The following PHF8 variants were observed in gnomAD, a reference collection of about 807,000 sequenced individuals.
PHF8 encodes histone lysine demethylase PHF8.
PHF8 carries 9 observed loss-of-function variants against 74.4 expected under a neutral mutation model. The observed-to-expected ratio is 0.12, with a 90% confidence interval of 0.07 to 0.21. The LOEUF is 0.21. Among genes scored for constraint, PHF8 ranks in the 10% least tolerant of loss-of-function variants. The pLI is 1.00. For missense variants in PHF8, 478 were observed against 816.6 expected (o/e 0.59, Z 5.05); for synonymous variants, 311 against 316.6 (o/e 0.98, Z 0.19).
chrX:54,022,471 T>A, intron 3 of PHF8, 104 bp from the exon 4 acceptor site: 2 of 590,338 alleles, frequency 3.4e-6, no homozygotes, highest in Non-Finnish European at 5.9e-6. Flanking sequence ...TAACCACCCC[T>A]TGGAGCATCT....
At chrX:53,980,378 G>A (rs1351353564) in intron 18 of PHF8, among the ~76,000 whole-genome samples, 2 of 111,054 alleles carry the variant, frequency 1.8e-5, no homozygotes, top group East Asian at 5.6e-4. Flanking sequence ...ACAGAGAGAC[G>A]TCATGGGCGT....
chrX:54,001,882 C>T (rs1557104304), intron 10 of PHF8, among the ~76,000 whole-genome samples: 1 of 111,562 alleles, frequency 9.0e-6, no homozygotes, highest in Non-Finnish European at 1.9e-5. Context: ...CACCACTGCA[C>T]TCCAGCCTGG....
In PHF8 at chrX:53,940,370, G is replaced by C. The variant is rs1557083099; in HGVS notation, c.2796C>G (p.Ser932=). Residue 932 remains serine, a synonymous_variant, in exon 21 of 22, where the codon TCC becomes TCG. Coordinates refer to ENST00000338154, the MANE Select transcript of PHF8 (RefSeq NM_015107.3). ...VAATPQLVTS[S]SPLPPPEPKQ... ...TAGGCTCAGGAGGAGGCAGGGGTGA[G>C]GAGGAGGTGACAAGTTGTGGTGTGG... The C allele has an allele frequency of 2.5e-6, 3 of 1,208,519 alleles. No individual in the cohort carries two copies. The highest frequency in any genetic ancestry group is 4.6e-4 in the Middle Eastern group (2 of 4,338).
intron 2 of PHF8, among the ~76,000 whole-genome samples, chrX:54,024,628 T>C (rs1413870738): frequency 8.9e-6 from 1 of 111,897 alleles, no homozygotes; most frequent in Admixed American, 9.5e-5. Flanking sequence ...TGAATGCAGC[T>C]TCTCCTACGG....
At chrX:53,969,910 G>A (rs782349080) in intron 18 of PHF8, among the ~76,000 whole-genome samples, 22 of 111,668 alleles carry the variant, frequency 2.0e-4, no homozygotes, top group Middle Eastern at 4.6e-3. Flanking sequence ...CAGGAAAACC[G>A]AATACCCATA....
intron 11 of PHF8, 61 bp downstream of exon 11, chrX:53,999,809 C>T: frequency 1.4e-6 from 1 of 716,311 alleles, no homozygotes; most frequent in Admixed American, 2.5e-5. Context: ...AAACATCTAC[C>T]CAAATCCAGT....
At chrX:53,975,066 T>C (rs2065352819) in intron 18 of PHF8, among the ~76,000 whole-genome samples, 2 of 111,461 alleles carry the variant, frequency 1.8e-5, no homozygotes, top group Admixed American at 1.9e-4. Flanking sequence ...ACTTAAAAGT[T>C]GGAAAAAAAA....
rs11329889 is a variant in PHF8, at chrX:53,957,190, C to CA, written c.2539+5653dup. ...TGAAATGCCGTCTCTACTAAAAATA[C>CA]AAAAAAAAAAAAAAAATTAGCTGGG... On this transcript the variant is annotated intron_variant, in intron 19 of 21. Transcript: ENST00000338154. Among the ~76,000 whole-genome samples, 208 of 81,516 alleles carry CA rather than the reference C, an allele frequency of 2.6e-3. 2 individuals carry two copies. The highest frequency in any genetic ancestry group is 4.8e-3 in the Admixed American group (34 of 7,111). The allele number at this position is 81,516 out of a possible 115,157, so 70.8% of individuals were successfully genotyped here.
intron 2 of PHF8, among the ~76,000 whole-genome samples, chrX:54,032,534 T>C (rs1292489363): frequency 9.0e-6 from 1 of 110,917 alleles, no homozygotes; most frequent in Non-Finnish European, 1.9e-5. Flanking sequence ...TTCAGGCTCA[T>C]AGGTAACCCA....
intron 18 of PHF8, among the ~76,000 whole-genome samples, chrX:53,975,955 A>G: frequency 1.8e-5 from 2 of 111,692 alleles, no homozygotes; most frequent in Non-Finnish European, 3.8e-5. Flanking sequence ...ATGTATCAAA[A>G]TATCACATGT....
At chrX:53,998,017 G>T (rs782221697) in intron 11 of PHF8, among the ~76,000 whole-genome samples, 1 of 112,522 alleles carries the variant, frequency 8.9e-6, no homozygotes, top group East Asian at 2.8e-4. Flanking sequence ...TGAAGCCTAA[G>T]ATTACATGTT....
intron 19 of PHF8, among the ~76,000 whole-genome samples, chrX:53,955,619 G>C (rs1387562892): frequency 1.1e-5 from 1 of 94,181 alleles, no homozygotes; most frequent in Non-Finnish European, 2.0e-5. Context: ...TGAACTTCTA[G>C]AACAATACTA....
Position 54,003,023 on chromosome X carries a change from A to C in PHF8, c.947-341T>G, listed in dbSNP as rs185038103. 2.7e-5 allele frequency among the ~76,000 whole-genome samples: 3 copies of C among 112,157 alleles called. No homozygotes were observed. In the East Asian group the frequency reaches 8.4e-4, roughly 31 times the overall value. ...GCAAAAGCAGATCTGGGGTTCTAAC[A>C]ATTTTTGATTAACCTAGATATTATA... is the stretch of plus-strand genomic sequence containing the variant. On this transcript the variant is annotated intron_variant, in intron 8 of 21. Transcript: ENST00000338154.
At chrX:53,952,143 G>GCCCA (rs1316290956) in intron 19 of PHF8, among the ~76,000 whole-genome samples, 1 of 109,972 alleles carries the variant, frequency 9.1e-6, no homozygotes, top group Non-Finnish European at 1.9e-5. Flanking sequence ...AATTAGCCAG[G>GCCCA]CGTGGTGGCA....
chrX:53,955,400 C>G (rs1426360159), intron 19 of PHF8, among the ~76,000 whole-genome samples: 1 of 109,220 alleles, frequency 9.2e-6, no homozygotes, highest in East Asian at 2.8e-4. Flanking sequence ...TTTTCTATAT[C>G]GATTATACAA....
At chrX:53,974,215 G>A (rs1048815914) in intron 18 of PHF8, among the ~76,000 whole-genome samples, 3 of 110,462 alleles carry the variant, frequency 2.7e-5, no homozygotes, top group East Asian at 2.8e-4. Context: ...GCAGTGAGTC[G>A]AGATTGTGCC....
At chrX:54,028,519 T>C (rs1196823872) in intron 2 of PHF8, among the ~76,000 whole-genome samples, 1 of 111,393 alleles carries the variant, frequency 9.0e-6, no homozygotes, top group Non-Finnish European at 1.9e-5. Context: ...TTTTCCTCAC[T>C]GTTCTCACTC....
rs2064695648 is a variant in PHF8 at position 53,938,183 on chromosome X, C to T, written c.*975G>A. 9 of 1,101,255 alleles carry T rather than the reference C, an allele frequency of 8.2e-6. No individual in the cohort carries two copies. The highest frequency in any genetic ancestry group is 2.7e-4 in the Middle Eastern group (1 of 3,769). 90.8% of individuals were successfully genotyped at this position (1,101,255 alleles called of 1,213,427 possible). A position where few individuals can be genotyped will look rare whatever the true frequency, so the allele number is the denominator to read the frequency against. On this transcript the variant is annotated 3_prime_UTR_variant, in exon 22 of 22. Transcript: ENST00000338154. The stretch of plus-strand genomic sequence containing the variant: ...AGGACCCAGGTGTGGGCCGTCCCGC[C>T]ACACCCTCCATAATGTCCAGGCTGT...
At chrX:54,032,582 CCCTGGGGTGGTACTCCTTCT>C (rs1557112864) in intron 2 of PHF8, among the ~76,000 whole-genome samples, 2 of 110,824 alleles carry the variant, frequency 1.8e-5, no homozygotes, top group African/African-American at 3.3e-5. Context: ...ACTACTTCAA[CCCTGGGGTGGTACTCCTTCT>C]CCTGCTCACC....
Sources: gnomAD v4.1 joint callset for allele counts (sites outside exome capture counted in the v4.1 genomes callset) on GRCh38, gnomAD v4.1.1 for gene constraint, MANE v1.5 for transcripts, NCBI Gene and HGNC (gene_info 2026-07-23, HGNC 2026-07-21) for gene names.